The following IMMP2L variants were observed in gnomAD, a reference collection of about 807,000 sequenced individuals.
The protein encoded by IMMP2L is inner mitochondrial membrane peptidase subunit 2.
IMMP2L carries 18 observed loss-of-function variants against 19.3 expected under a neutral mutation model. The observed-to-expected ratio is 0.93, with a 90% CI of 0.64 to 1.38. The LOEUF (loss-of-function observed/expected upper bound fraction) is 1.38, where lower values mean the gene tolerates loss of function less well. IMMP2L is among the 40% of genes most tolerant of loss of function. The pLI, the probability that IMMP2L is intolerant of heterozygous loss-of-function variation, is 0.00. For missense variants in IMMP2L, 233 were observed against 218.2 expected (o/e 1.07, Z -0.43); for synonymous variants, 76 against 73.0 (o/e 1.04, Z -0.21).
chr7:111,267,114 C>T (rs962874836), intron 3 of IMMP2L, among the ~76,000 whole-genome samples: 1 of 151,992 alleles, frequency 6.6e-6, no homozygotes, highest in Non-Finnish European at 1.5e-5. Flanking sequence ...TCCATATGTC[C>T]AAAATTCCCT....
chr7:110,785,861 C>G (rs558092982), intron 5 of IMMP2L, among the ~76,000 whole-genome samples: 1 of 151,676 alleles, frequency 6.6e-6, no homozygotes, highest in East Asian at 2.0e-4. Context: ...CATAATTTGT[C>G]AATGGCACAT....
intron 5 of IMMP2L, among the ~76,000 whole-genome samples, chr7:110,677,971 T>C (rs1525671): frequency 0.39 from 59,711 of 151,904 alleles, 14,609 homozygotes; most frequent in East Asian, 0.73. Context: ...TCTGGAAGCA[T>C]GCTACTCTGC....
intron 3 of IMMP2L, among the ~76,000 whole-genome samples, chr7:111,013,942 T>C (rs1311589973): frequency 6.6e-6 from 1 of 152,168 alleles, no homozygotes; most frequent in Non-Finnish European, 1.5e-5. Flanking sequence ...CAAGGAGGTC[T>C]TGACCTAGGG....
At chr7:111,188,564 T>C (rs530011417) in intron 3 of IMMP2L, among the ~76,000 whole-genome samples, 8 of 152,200 alleles carry the variant, frequency 5.3e-5, no homozygotes, top group Admixed American at 1.3e-4. Flanking sequence ...GATTTCAACA[T>C]ATGAATTTGG....
chr7:111,120,812 C>T (rs1586410980), intron 3 of IMMP2L, among the ~76,000 whole-genome samples: 1 of 152,152 alleles, frequency 6.6e-6, no homozygotes, highest in Middle Eastern at 3.4e-3. Context: ...GCTTACTTAA[C>T]ATTTTATAAT....
Position 110,760,505 on chromosome 7 carries a change from T to C in IMMP2L, c.409-96784A>G, listed in dbSNP as rs1798286099. ...AACAACTAGACTGAGAAGTGGTCTA[T>C]TACTCACTGCTTTCAGCTTATATAA... On this transcript the variant is annotated intron_variant, in intron 5 of 5. Transcript: ENST00000405709. The surrounding 1 kb of genome is among the most constrained non-coding windows in gnomAD (Gnocchi z 4.2). Among the ~76,000 whole-genome samples, 2 of 152,100 alleles carry C rather than the reference T, an allele frequency of 1.3e-5. No individual in the cohort carries two copies. Among genetic ancestry groups the C allele is most frequent in the Admixed American group, 6.6e-5 (1 of 15,244 alleles).
chr7:111,499,008 C>T (rs1843875230), intron 2 of IMMP2L, among the ~76,000 whole-genome samples: 1 of 152,108 alleles, frequency 6.6e-6, no homozygotes, highest in Non-Finnish European at 1.5e-5. Context: ...ACAAAACAAA[C>T]CACTCCAAAA....
At chr7:110,976,335 A>G (rs1010652644) in intron 3 of IMMP2L, among the ~76,000 whole-genome samples, 1 of 152,064 alleles carries the variant, frequency 6.6e-6, no homozygotes, top group South Asian at 2.1e-4. Flanking sequence ...TAAAAGTGAA[A>G]TAATACAATA....
At chr7:110,995,274 C>T (rs1447366196) in intron 3 of IMMP2L, among the ~76,000 whole-genome samples, 1 of 152,026 alleles carries the variant, frequency 6.6e-6, no homozygotes, top group Non-Finnish European at 1.5e-5. Flanking sequence ...ATGGATCAGA[C>T]CACGTGCTAG....
intron 3 of IMMP2L, among the ~76,000 whole-genome samples, chr7:111,174,018 G>A (rs1186216520): frequency 6.6e-6 from 1 of 151,512 alleles, no homozygotes; most frequent in Non-Finnish European, 1.5e-5. Flanking sequence ...CCTCCTCATG[G>A]GCATCTATTT....
chr7:111,325,374 T>A (rs1825196375), intron 3 of IMMP2L, among the ~76,000 whole-genome samples: 1 of 151,708 alleles, frequency 6.6e-6, no homozygotes. Flanking sequence ...AATCTTCTTG[T>A]ATGCAGATAA....
chr7:111,088,037 A>G (rs963022576), intron 3 of IMMP2L, among the ~76,000 whole-genome samples: 1 of 152,226 alleles, frequency 6.6e-6, no homozygotes, highest in African/African-American at 2.4e-5. Context: ...CAGAGTCTCT[A>G]GGAAGTGGCA....
intron 3 of IMMP2L, among the ~76,000 whole-genome samples, chr7:110,982,285 C>G (rs1821386226): frequency 1.3e-5 from 2 of 152,110 alleles, no homozygotes; most frequent in South Asian, 4.2e-4. Context: ...TGAATCAGGT[C>G]ACATATCCAA....
intron 5 of IMMP2L, among the ~76,000 whole-genome samples, chr7:110,801,071 T>C (rs1445590718): frequency 6.6e-6 from 1 of 152,110 alleles, no homozygotes; most frequent in African/African-American, 2.4e-5. Context: ...TTCATTTTTA[T>C]ACATGGATGG....
intron 3 of IMMP2L, among the ~76,000 whole-genome samples, chr7:111,024,142 A>G (rs1486354608): frequency 6.6e-6 from 1 of 152,244 alleles, no homozygotes; most frequent in Non-Finnish European, 1.5e-5. Context: ...AAAGATAGGT[A>G]AAATTCTTGG....
chr7:110,994,790 A>C (rs1355897287), intron 3 of IMMP2L, among the ~76,000 whole-genome samples: 1 of 152,202 alleles, frequency 6.6e-6, no homozygotes, highest in Non-Finnish European at 1.5e-5. Flanking sequence ...CACCTCTCTT[A>C]CTGGCTGACA....
intron 2 of IMMP2L, among the ~76,000 whole-genome samples, chr7:111,510,265 T>C (rs918588190): frequency 6.6e-6 from 1 of 152,026 alleles, no homozygotes; most frequent in Non-Finnish European, 1.5e-5. Context: ...CAATAGTGAG[T>C]GGACTGACTC....
intron 5 of IMMP2L, among the ~76,000 whole-genome samples, chr7:110,755,515 C>T (rs1244194106): frequency 6.6e-6 from 1 of 152,092 alleles, no homozygotes; most frequent in Non-Finnish European, 1.5e-5. Context: ...CTAAATATAG[C>T]ATCACGTATT....
intron 2 of IMMP2L, among the ~76,000 whole-genome samples, chr7:111,500,283 C>T (rs546533551): frequency 1.3e-5 from 2 of 152,228 alleles, no homozygotes; most frequent in Admixed American, 6.5e-5. Context: ...TGCCGAGGCT[C>T]GATTAGGTAA....
Sources: allele counts gnomAD v4.1 joint callset (sites outside exome capture counted in the v4.1 genomes callset), GRCh38; gene constraint gnomAD v4.1.1; non-coding constraint Gnocchi (gnomAD v3.1); transcripts MANE v1.5; gene names NCBI Gene and HGNC (gene_info 2026-07-23, HGNC 2026-07-21).